Variants in IGF1R observed in about 807,000 individuals in gnomAD.
IGF1R encodes the protein insulin like growth factor 1 receptor.
In IGF1R, 44 loss-of-function variants were observed where a neutral mutation model predicts 144.6. That is an observed-to-expected ratio of 0.30 (90% CI 0.24 to 0.39). IGF1R has a LOEUF of 0.39. IGF1R is among the 10% of genes least tolerant of loss of function. The pLI, the probability that IGF1R is intolerant of heterozygous loss-of-function variation, is 1.00. For missense variants in IGF1R, 1,355 were observed against 1,833.7 expected (o/e 0.74, Z 4.77); for synonymous variants, 795 against 722.8 (o/e 1.10, Z -1.60).
intron 2 of IGF1R, among the ~76,000 whole-genome samples, chr15:98,726,068 G>A (rs1162517371): frequency 3.3e-5 from 5 of 152,196 alleles, no homozygotes; most frequent in African/African-American, 4.8e-5. Context: ...TCGTGATCAT[G>A]ACTGGCATTC....
intron 2 of IGF1R, among the ~76,000 whole-genome samples, chr15:98,847,633 A>G (rs1245699849): frequency 6.6e-6 from 1 of 152,226 alleles, no homozygotes; most frequent in Non-Finnish European, 1.5e-5. Flanking sequence ...AAATTCGATG[A>G]CATTAACCTT....
At chr15:98,733,855 C>G (rs1370449169) in intron 2 of IGF1R, among the ~76,000 whole-genome samples, 1 of 152,180 alleles carries the variant, frequency 6.6e-6, no homozygotes, top group Non-Finnish European at 1.5e-5. Flanking sequence ...CCCTAATCAT[C>G]TCTTCCATCC....
intron 2 of IGF1R, among the ~76,000 whole-genome samples, chr15:98,824,802 A>T (rs894148374): frequency 6.6e-6 from 1 of 150,972 alleles, no homozygotes; most frequent in Non-Finnish European, 1.5e-5. Flanking sequence ...TTGATCATCT[A>T]TTACGCTGTT....
At chr15:98,837,585 G>T (rs915677334) in intron 2 of IGF1R, among the ~76,000 whole-genome samples, 1 of 151,864 alleles carries the variant, frequency 6.6e-6, no homozygotes, top group Non-Finnish European at 1.5e-5. Context: ...GTCTGGTCTC[G>T]AACTCCTGGC....
At position 98,650,672 on chromosome 15, in the gene IGF1R, G is replaced by C. The variant is rs73473413; in HGVS notation, c.94+997G>C. Among the ~76,000 whole-genome samples, 1,401 of 152,336 alleles carry C rather than the reference G, an allele frequency of 9.2e-3. 31 individuals carry two copies. Among genetic ancestry groups the C allele is most frequent in the African/African-American group, 0.032 (1,336 of 41,584 alleles). On this transcript the variant is annotated intron_variant, in intron 1 of 20. Transcript: ENST00000650285. ...CCGTCCCTGGCGAGAGGTGTCGTAC[G>C]CTGTGGTTTCAGCGCCAGGGTCTGC...
chr15:98,746,138 G>A (rs965045510), intron 2 of IGF1R, among the ~76,000 whole-genome samples: 3 of 152,202 alleles, frequency 2.0e-5, no homozygotes, highest in Admixed American at 2.0e-4. Flanking sequence ...AGTTAAGGAG[G>A]GTAAATAAGA....
intron 10 of IGF1R, among the ~76,000 whole-genome samples, chr15:98,920,577 T>C (rs2015442226): frequency 6.6e-6 from 1 of 152,194 alleles, no homozygotes; most frequent in Admixed American, 6.5e-5. Flanking sequence ...TGACAGTAAA[T>C]GTGGTTTCTT....
intron 2 of IGF1R, among the ~76,000 whole-genome samples, chr15:98,803,268 G>A (rs1204655123): frequency 6.6e-6 from 1 of 152,198 alleles, no homozygotes; most frequent in African/African-American, 2.4e-5. Context: ...TCTGAACGCT[G>A]TAGGCAATGG....
chr15:98,728,541 G>A (rs1015354490), intron 2 of IGF1R, among the ~76,000 whole-genome samples: 33 of 152,244 alleles, frequency 2.2e-4, no homozygotes, highest in Non-Finnish European at 4.4e-4. Context: ...CTCATGACAT[G>A]TGCTTTGCTT....
chr15:98,686,780 C>T (rs2053340398), intron 1 of IGF1R, among the ~76,000 whole-genome samples: 1 of 151,892 alleles, frequency 6.6e-6, no homozygotes, highest in Non-Finnish European at 1.5e-5. Context: ...ATGTGATGCT[C>T]CCACCTACGC....
chr15:98,663,817 A>G (rs1490406378), intron 1 of IGF1R, among the ~76,000 whole-genome samples: 3 of 152,230 alleles, frequency 2.0e-5, no homozygotes, highest in Non-Finnish European at 4.4e-5. Flanking sequence ...TCCAGTCCTT[A>G]CCATGCAAGT....
chr15:98,821,198 T>C (rs2056795066), intron 2 of IGF1R, among the ~76,000 whole-genome samples: 1 of 152,152 alleles, frequency 6.6e-6, no homozygotes, highest in Admixed American at 6.5e-5. Context: ...TGAGACGCGC[T>C]ACATTGCGCT....
At chr15:98,688,301 A>G (rs1287592213) in intron 1 of IGF1R, among the ~76,000 whole-genome samples, 2 of 79,360 alleles carry the variant, frequency 2.5e-5, no homozygotes, top group East Asian at 7.8e-4. Flanking sequence ...CTTCTCTCCT[A>G]CTCTCCTTCC....
intron 2 of IGF1R, among the ~76,000 whole-genome samples, chr15:98,732,781 C>G (rs879833517): frequency 2.6e-5 from 4 of 152,124 alleles, no homozygotes; most frequent in Non-Finnish European, 4.4e-5. Context: ...AGTTTAGGTG[C>G]TTGTGGCACG....
In IGF1R at chr15:98,964,508, TAAATA is replaced by T. The variant is rs534746935; in HGVS notation, c.*7073_*7077del. 1.6e-4 allele frequency: 34 copies of T among 212,582 alleles called. No homozygotes were observed. The East Asian group carries it at 2.3e-3, about 14-fold the overall frequency. The allele number at this position is 212,582 out of a possible 1,614,324, so 13.2% of individuals were successfully genotyped here. On this transcript the variant is annotated 3_prime_UTR_variant, in exon 21 of 21. Coordinates refer to ENST00000650285, the MANE Select transcript of IGF1R (RefSeq NM_000875.5). ...TAGTAAAGTACTACATGGTTTAAGTTAAATAAAATAATTCTGTATGCATTTCTGTC... is the reference window on the plus strand; with the variant it reads ...TAGTAAAGTACTACATGGTTTAAGTTAAATAATTCTGTATGCATTTCTGTC...
chr15:98,818,093 A>G (rs759164956), intron 2 of IGF1R, among the ~76,000 whole-genome samples: 10 of 152,180 alleles, frequency 6.6e-5, no homozygotes, highest in Admixed American at 2.0e-4. Context: ...CATTAATCCA[A>G]TTGTATCAGG....
At chr15:98,708,206 A>T (rs2141260429) in intron 2 of IGF1R, 99 bp downstream of exon 2, 2 of 1,059,356 alleles carry the variant, frequency 1.9e-6, no homozygotes, top group Non-Finnish European at 2.9e-6. Flanking sequence ...TCCGCTGGGC[A>T]GGGTGCAGTC....
In IGF1R at chr15:98,916,802, G is replaced by C. The variant is rs2151683086; in HGVS notation, c.2127G>C (p.Lys709Asn). ...CCACPKTEAE[K>N]QAEKEEAEYR... ...CCTGCCCCAAAACTGAAGCCGAGAA[G>C]CAGGCCGAGAAGGAGGAGGCTGAAT... The change falls in exon 10 of 21, where the codon AAG (lysine) becomes AAC (asparagine). Residue 709 changes from lysine (K) to asparagine (N), a missense_variant. Lys to Asn is a moderately conservative substitution (Grantham distance 94, BLOSUM62 0). This residue lies in a region of IGF1R where 880 missense variants were observed against 1,202.7 expected (regional missense o/e 0.73). Transcript: ENST00000650285. 1 of 1,614,134 alleles carries C rather than the reference G, an allele frequency of 6.2e-7. No homozygotes were observed.
At chr15:98,779,103 G>A (rs756109318) in intron 2 of IGF1R, among the ~76,000 whole-genome samples, 17 of 152,326 alleles carry the variant, frequency 1.1e-4, no homozygotes, top group South Asian at 2.1e-4. Flanking sequence ...TGCTTGGTAC[G>A]AAGTAGTAAC....
Sources: gnomAD v4.1 joint callset for allele counts (sites outside exome capture counted in the v4.1 genomes callset) on GRCh38, gnomAD v4.1.1 for gene constraint, gnomAD v4.1.1 regional missense constraint, MANE v1.5 for transcripts, NCBI Gene and HGNC (gene_info 2026-07-23, HGNC 2026-07-21) for gene names.